CACNA1D: variants seen among roughly 807,000 people sequenced by gnomAD.
CACNA1D encodes calcium voltage-gated channel subunit alpha1 D.
In CACNA1D, 55 loss-of-function variants were observed where a neutral mutation model predicts 257.1. The ratio of observed to expected loss-of-function variants is 0.21; its 90% CI spans 0.17 to 0.27. The LOEUF is 0.27. Among genes scored for constraint, CACNA1D ranks in the 10% least tolerant of loss-of-function variants. CACNA1D has a pLI of 1.00. For missense variants in CACNA1D, 1,876 were observed against 2,784.0 expected (o/e 0.67, Z 7.34); for synonymous variants, 980 against 1,014.9 (o/e 0.97, Z 0.65).
At chr3:53,655,920 T>C (rs2094143523) in intron 4 of CACNA1D, among the ~76,000 whole-genome samples, 1 of 152,230 alleles carries the variant, frequency 6.6e-6, no homozygotes, top group Non-Finnish European at 1.5e-5. Context: ...GGGTTTTACA[T>C]TTAAGTCTTT....
Position 53,723,618 on chromosome 3 carries a change from G to A in CACNA1D, c.1851G>A (p.Val617=). 6.2e-7 allele frequency: 1 copy of A among 1,614,142 alleles called. No homozygotes were observed. Among genetic ancestry groups the A allele is most frequent in the South Asian group, 1.1e-5 (1 of 91,072 alleles). The change falls in exon 13 of 48, where the codon GTG becomes GTA. Residue 617 remains valine, a synonymous_variant. Transcript: ENST00000350061. This position sits in a 1 kb window ranked among gnomAD's most constrained non-coding sequence, Gnocchi z 5.6. ...LEIMSPLGIS[V]FRCVRLLRIF... ...TCATGTCTCCCCTGGGGATCTCTGTGTTTCGGTGTGTGCGCCTCTTAAGAA... is the reference window on the plus strand; with the variant it reads ...TCATGTCTCCCCTGGGGATCTCTGTATTTCGGTGTGTGCGCCTCTTAAGAA...
chr3:53,749,534 C>T (rs1469021403), intron 27 of CACNA1D, 65 bp downstream of exon 27: 4 of 1,147,762 alleles, frequency 3.5e-6, no homozygotes, highest in Non-Finnish European at 5.3e-6. Context: ...TCTTTATTGA[C>T]TGATTTCCCC....
chr3:53,802,158 A>G lies in CACNA1D; in HGVS notation c.5420A>G (p.Tyr1807Cys), dbSNP rs763788750. Residue 1807 changes from tyrosine to cysteine, a missense_variant, in exon 43 of 48, where the codon TAT becomes TGT. By Grantham distance (194) the Tyr-to-Cys change is radical. Coordinates refer to ENST00000350061, the MANE Select transcript of CACNA1D (RefSeq NM_001128840.3). ...CCTTTCCTGGATAGAACCCGCTATT[A>G]TGAAACTTACATTAGGTATGTGCTC... is the stretch of plus-strand genomic sequence containing the variant. ...RRSSVKRTRY[Y>C]ETYIRSDSGD... 47 of 1,608,716 alleles carry G rather than the reference A, an allele frequency of 2.9e-5. No homozygotes were observed. Among genetic ancestry groups the G allele is most frequent in the Non-Finnish European group, 3.8e-5 (45 of 1,175,158 alleles).
chr3:53,515,948 A>G (rs973585222), intron 3 of CACNA1D, among the ~76,000 whole-genome samples: 3 of 152,140 alleles, frequency 2.0e-5, no homozygotes, highest in African/African-American at 7.2e-5. Flanking sequence ...CTTCCACCGT[A>G]TCAGGAGAGT....
chr3:53,697,938 C>T (rs1416572476), intron 8 of CACNA1D, among the ~76,000 whole-genome samples: 1 of 152,128 alleles, frequency 6.6e-6, no homozygotes, highest in Non-Finnish European at 1.5e-5. Flanking sequence ...TCCAAAGTCC[C>T]CTGGTTCCTT....
intron 31 of CACNA1D, 56 bp from the exon 32 acceptor site, chr3:53,770,368 A>T: frequency 6.4e-7 from 1 of 1,566,712 alleles, no homozygotes; most frequent in Non-Finnish European, 8.8e-7. Flanking sequence ...GTTTTTCTGA[A>T]AGTGTTGCAT....
chr3:53,691,885 ATATT>A (rs1342899447), intron 8 of CACNA1D, among the ~76,000 whole-genome samples: 1 of 97,872 alleles, frequency 1.0e-5, no homozygotes, highest in Non-Finnish European at 2.0e-5. Flanking sequence ...CATATAATAT[ATATT>A]ATATATATTA....
At chr3:53,755,151 A>T (rs2095255164) in intron 29 of CACNA1D, among the ~76,000 whole-genome samples, 1 of 152,176 alleles carries the variant, frequency 6.6e-6, no homozygotes, top group African/African-American at 2.4e-5. Flanking sequence ...CTGATGGAAA[A>T]GGTTGCAAAG....
intron 3 of CACNA1D, among the ~76,000 whole-genome samples, chr3:53,648,496 T>G (rs1215268547): frequency 1.3e-5 from 2 of 152,158 alleles, no homozygotes; most frequent in Non-Finnish European, 2.9e-5. Context: ...TCCCTGCTCC[T>G]CAGAATACCG....
chr3:53,659,948 A>G (rs2094186951), intron 4 of CACNA1D, among the ~76,000 whole-genome samples, 185 bp from the exon 5 acceptor site: 1 of 152,164 alleles, frequency 6.6e-6, no homozygotes, highest in Non-Finnish European at 1.5e-5. Context: ...TCCCTGTCCC[A>G]ATCATTTTGG....
rs575292223 is a variant in CACNA1D, at chr3:53,675,499, G to A, written c.1220+2373G>A. 3.9e-4 allele frequency among the ~76,000 whole-genome samples: 59 copies of A among 152,216 alleles called. No individual in the cohort carries two copies. In the South Asian group the frequency reaches 0.01, roughly 26 times the overall value. On this transcript the variant is annotated intron_variant, in intron 8 of 47. Transcript: ENST00000350061. ...GGAAACCACTAATTTTAACAGTGCC[G>A]GTGACATCCCTTATCTTTTAGCTTT...
chr3:53,623,931 C>T (rs758243941), intron 3 of CACNA1D, among the ~76,000 whole-genome samples: 2 of 152,136 alleles, frequency 1.3e-5, no homozygotes, highest in African/African-American at 2.4e-5. Flanking sequence ...TGATCGGGGA[C>T]GGTGCAGAGT....
chr3:53,519,140 T>C (rs945293703), intron 3 of CACNA1D, among the ~76,000 whole-genome samples: 7 of 152,206 alleles, frequency 4.6e-5, no homozygotes, highest in African/African-American at 1.4e-4. Flanking sequence ...GACTCGGTTC[T>C]GGGGTTCTGC....
chr3:53,561,600 T>C (rs758227202), intron 3 of CACNA1D, among the ~76,000 whole-genome samples: 6 of 152,320 alleles, frequency 3.9e-5, no homozygotes, highest in Middle Eastern at 3.4e-3. Context: ...GCTTTGTAGC[T>C]GTCAAGGAAA....
chr3:53,596,454 A>T (rs7646314), intron 3 of CACNA1D, among the ~76,000 whole-genome samples: 2,236 of 152,256 alleles, frequency 0.015, 50 homozygotes, highest in African/African-American at 0.05. Flanking sequence ...AGATTTCCAC[A>T]TCCTAATCTC....
Position 53,751,143 on chromosome 3 carries a change from A to T in CACNA1D, c.3517-606A>T, listed in dbSNP as rs1433709727. Among the ~76,000 whole-genome samples the T allele has an allele frequency of 6.6e-6, 1 of 152,212 alleles. No homozygotes were observed. The highest frequency in any genetic ancestry group is 2.4e-5 in the African/African-American group (1 of 41,446). On this transcript the variant is annotated intron_variant, in intron 27 of 47. Coordinates refer to ENST00000350061, the MANE Select transcript of CACNA1D (RefSeq NM_001128840.3). This position sits in a 1 kb window ranked among gnomAD's most constrained non-coding sequence, Gnocchi z 4.3. ...AGCTCCCCAGCCCAGAAGCTCCCCG[A>T]TGGACATGTGGATAGCTCCCCATAA...
intron 3 of CACNA1D, among the ~76,000 whole-genome samples, chr3:53,636,452 C>T (rs955437613): frequency 9.2e-5 from 14 of 151,974 alleles, no homozygotes; most frequent in African/African-American, 2.2e-4. Flanking sequence ...TACAGGTGTG[C>T]GCCACCACGC....
chr3:53,615,943 C>A (rs544320428), intron 3 of CACNA1D, among the ~76,000 whole-genome samples: 1 of 152,188 alleles, frequency 6.6e-6, no homozygotes, highest in South Asian at 2.1e-4. Flanking sequence ...TTACAGCTGG[C>A]CTGTCAGTTC....
intron 3 of CACNA1D, among the ~76,000 whole-genome samples, chr3:53,565,991 A>AT (rs779295214): frequency 6.9e-4 from 105 of 152,206 alleles, no homozygotes; most frequent in Non-Finnish European, 1.3e-3. Context: ...TGTAGAAAGT[A>AT]TTACTTATAC....
Sources: allele counts gnomAD v4.1 joint callset (sites outside exome capture counted in the v4.1 genomes callset), GRCh38; gene constraint gnomAD v4.1.1; non-coding constraint Gnocchi (gnomAD v3.1); transcripts MANE v1.5; gene names NCBI Gene and HGNC (gene_info 2026-07-23, HGNC 2026-07-21).